Variants in BLTP3A observed in about 807,000 individuals in gnomAD.
BLTP3A encodes ICBP90 binding protein 1.
the BLTP3A span, among the ~76,000 whole-genome samples, chr6:34,808,395 G>A: frequency 3.5e-3 from 389 of 112,652 alleles, 4 homozygotes; most frequent in African/African-American, 0.013. Context: ...GAAATTAAAA[G>A]CAGGGCAAAC....
At chr6:34,816,250 G>A in the BLTP3A span, among the ~76,000 whole-genome samples, 1 of 152,136 alleles carries the variant, frequency 6.6e-6, no homozygotes, top group East Asian at 1.9e-4. Context: ...TATTTTATCT[G>A]AAGTATGTTT....
chr6:34,864,332 A>G, the BLTP3A span: 4 of 939,562 alleles, frequency 4.3e-6, no homozygotes, highest in Admixed American at 2.9e-5. Flanking sequence ...AGACAAAAAA[A>G]GAGAGACAGA....
the BLTP3A span, among the ~76,000 whole-genome samples, chr6:34,819,041 G>T: frequency 6.6e-6 from 1 of 152,016 alleles, no homozygotes; most frequent in African/African-American, 2.4e-5. Context: ...GTATAGTTAA[G>T]GTTGGTGGAC....
the BLTP3A span, among the ~76,000 whole-genome samples, chr6:34,846,841 C>T: frequency 6.6e-6 from 1 of 152,152 alleles, no homozygotes; most frequent in Non-Finnish European, 1.5e-5. Context: ...TTATCTTGTT[C>T]CAAATATTAC....
the BLTP3A span, chr6:34,858,275 C>T: frequency 6.2e-7 from 1 of 1,614,194 alleles, no homozygotes. Flanking sequence ...GGTTTTGCTG[C>T]TGCTGAGTTC....
the BLTP3A span, among the ~76,000 whole-genome samples, chr6:34,804,106 G>T: frequency 3.3e-5 from 5 of 152,012 alleles, no homozygotes; most frequent in South Asian, 4.1e-4. Flanking sequence ...TTTCAGGCAG[G>T]CTCTGGCTCT....
the BLTP3A span, among the ~76,000 whole-genome samples, chr6:34,803,701 C>T: frequency 1.3e-5 from 2 of 151,944 alleles, no homozygotes; most frequent in African/African-American, 4.8e-5. Flanking sequence ...TTTGTTTTTC[C>T]AAAATGATTT....
the BLTP3A span, among the ~76,000 whole-genome samples, chr6:34,823,556 T>TC: frequency 2.7e-5 from 4 of 150,218 alleles, no homozygotes; most frequent in African/African-American, 4.9e-5. Flanking sequence ...TTTTTTTTTT[T>TC]CCCTGGGATA....
the BLTP3A span, among the ~76,000 whole-genome samples, chr6:34,849,047 G>A: frequency 6.9e-6 from 1 of 144,778 alleles, no homozygotes; most frequent in Non-Finnish European, 1.5e-5. Flanking sequence ...CACCCAGGTT[G>A]GAGTGAAGTG....
chr6:34,804,089 G>C, the BLTP3A span, among the ~76,000 whole-genome samples: 1 of 152,124 alleles, frequency 6.6e-6, no homozygotes, highest in Non-Finnish European at 1.5e-5. Context: ...TCCCCACACT[G>C]TCTTCCTTTC....
chr6:34,795,691 G>A, the BLTP3A span, among the ~76,000 whole-genome samples: 20,189 of 151,978 alleles, frequency 0.13, 1,546 homozygotes, highest in African/African-American at 0.2. Context: ...GTGAGCCACC[G>A]TGCCTGGCCT....
At chr6:34,858,505 A>G in the BLTP3A span, 4 of 1,614,046 alleles carry the variant, frequency 2.5e-6, no homozygotes, top group Non-Finnish European at 3.4e-6. Flanking sequence ...CCATACCTTG[A>G]ATTTTGTAGC....
the BLTP3A span, among the ~76,000 whole-genome samples, chr6:34,864,522 CTTTTTTT>C: frequency 9.1e-6 from 1 of 109,454 alleles, no homozygotes. Context: ...TGCTTATAGT[CTTTTTTT>C]TTTTTTTTTT....
At chr6:34,838,829 A>G in the BLTP3A span, among the ~76,000 whole-genome samples, 1 of 152,204 alleles carries the variant, frequency 6.6e-6, no homozygotes, top group Non-Finnish European at 1.5e-5. Context: ...CCGTAGTCCC[A>G]GCCACTCAGA....
the BLTP3A span, chr6:34,821,677 C>CA: frequency 6.2e-7 from 1 of 1,612,468 alleles, no homozygotes; most frequent in South Asian, 1.1e-5. Flanking sequence ...TTTCCCCAGA[C>CA]AAAATCAACC....
At chr6:34,800,371 G>T in the BLTP3A span, among the ~76,000 whole-genome samples, 319 of 152,298 alleles carry the variant, frequency 2.1e-3, no homozygotes, top group African/African-American at 7.1e-3. Context: ...TGTCTTGGTT[G>T]CTTTGAAATC....
At chr6:34,809,931 G>A in the BLTP3A span, among the ~76,000 whole-genome samples, 1 of 152,068 alleles carries the variant, frequency 6.6e-6, no homozygotes, top group Non-Finnish European at 1.5e-5. Context: ...CACATATTTT[G>A]TATATGTATT....
the BLTP3A span, among the ~76,000 whole-genome samples, chr6:34,798,584 TTCTTTCTTTC>T: frequency 0.01 from 1,421 of 139,522 alleles, 11 homozygotes; most frequent in Non-Finnish European, 0.016. Context: ...ATTTTTAATT[TTCTTTCTTTC>T]TTTTTTTTTT....
the BLTP3A span, among the ~76,000 whole-genome samples, chr6:34,808,729 G>A: frequency 6.6e-6 from 1 of 152,056 alleles, no homozygotes; most frequent in Non-Finnish European, 1.5e-5. Context: ...GACTACAGGT[G>A]CATGCCACCA....
Sources: allele counts gnomAD v4.1 joint callset (sites outside exome capture counted in the v4.1 genomes callset), GRCh38; gene constraint gnomAD v4.1.1; transcripts MANE v1.5; gene names NCBI Gene and HGNC (gene_info 2026-07-23, HGNC 2026-07-21).